Variants in CEP85L observed in about 807,000 individuals in gnomAD.
CEP85L encodes the protein centrosomal protein of 85 kDa-like.
In CEP85L, 60 loss-of-function variants were observed where a neutral mutation model predicts 100.3. The observed-to-expected ratio is 0.60, with a 90% confidence interval of 0.49 to 0.74. CEP85L has a LOEUF of 0.74. Among genes scored for constraint, CEP85L ranks in the 30% least tolerant of loss-of-function variants. The pLI is 0.00. For missense variants in CEP85L, 973 were observed against 936.2 expected (o/e 1.04, Z -0.51); for synonymous variants, 319 against 322.7 (o/e 0.99, Z 0.12).
intron 1 of CEP85L, among the ~76,000 whole-genome samples, chr6:118,675,304 G>A (rs1177528827): frequency 6.6e-6 from 1 of 151,816 alleles, no homozygotes; most frequent in Non-Finnish European, 1.5e-5. Flanking sequence ...CAAATTCATA[G>A]AAACAGTAGA....
chr6:118,472,224 A>G (rs1360479473), intron 10 of CEP85L, among the ~76,000 whole-genome samples: 2 of 152,136 alleles, frequency 1.3e-5, no homozygotes, highest in African/African-American at 4.8e-5. Flanking sequence ...AATCCAACTA[A>G]TATGTCCCTA....
At chr6:118,532,823 A>G (rs1275991762) in intron 3 of CEP85L, among the ~76,000 whole-genome samples, 8 of 152,174 alleles carry the variant, frequency 5.3e-5, no homozygotes, top group Admixed American at 4.6e-4. Flanking sequence ...ATAATGAAGC[A>G]TGTTATAAAT....
Position 118,537,833 on chromosome 6 carries a change from C to T in CEP85L, c.1021-13913G>A, listed in dbSNP as rs1777680567. 6 of 985,142 alleles carry T rather than the reference C, an allele frequency of 6.1e-6. 1 individual carries two copies. The South Asian group carries it at 2.3e-4, about 39-fold the overall frequency. The allele number at this position is 985,142 out of a possible 1,614,324, so 61.0% of individuals were successfully genotyped here. On this transcript the variant is annotated intron_variant, in intron 3 of 12. Transcript: ENST00000368491. ...TCCTTCACTTGCCTTTGTCTCTGAG[C>T]TTATTCATCACTCACAACATGTCAC... is the stretch of plus-strand genomic sequence containing the variant.
chr6:118,603,602 AAAG>A (rs1771964473), intron 2 of CEP85L, among the ~76,000 whole-genome samples: 1 of 152,240 alleles, frequency 6.6e-6, no homozygotes, highest in Non-Finnish European at 1.5e-5. Flanking sequence ...AAAAAGCTCA[AAAG>A]AAGTTTTCTT....
At chr6:118,554,929 G>T (rs9481825) in intron 3 of CEP85L, among the ~76,000 whole-genome samples, 2 of 152,032 alleles carry the variant, frequency 1.3e-5, no homozygotes, top group African/African-American at 4.8e-5. Context: ...CAGTGTCAAC[G>T]TAGGGGATGA....
chr6:118,508,408 A>G (rs1775784086), intron 5 of CEP85L, among the ~76,000 whole-genome samples: 1 of 152,092 alleles, frequency 6.6e-6, no homozygotes, highest in Admixed American at 6.6e-5. Flanking sequence ...AGTAAAGAAA[A>G]AGGGTCCTTC....
At chr6:118,678,682 T>A (rs368427028) in intron 1 of CEP85L, among the ~76,000 whole-genome samples, 1 of 152,202 alleles carries the variant, frequency 6.6e-6, no homozygotes, top group Non-Finnish European at 1.5e-5. Flanking sequence ...AATAAAACAT[T>A]AAGCACTTTG....
intron 2 of CEP85L, among the ~76,000 whole-genome samples, chr6:118,625,370 G>T (rs1035783887): frequency 6.6e-6 from 1 of 152,176 alleles, no homozygotes; most frequent in Admixed American, 6.5e-5. Flanking sequence ...CCCCAGTCCC[G>T]CCACGCCCGA....
intron 1 of CEP85L, among the ~76,000 whole-genome samples, chr6:118,639,635 A>C (rs1420850039): frequency 6.6e-6 from 1 of 152,228 alleles, no homozygotes; most frequent in Non-Finnish European, 1.5e-5. Flanking sequence ...ACAACATTTA[A>C]TAAATTATAT....
chr6:118,650,721 C>A (rs1055454592), intron 1 of CEP85L, among the ~76,000 whole-genome samples: 3 of 152,188 alleles, frequency 2.0e-5, no homozygotes, highest in Non-Finnish European at 4.4e-5. Context: ...GCACAGCCAA[C>A]CCCAGCCTGC....
intron 4 of CEP85L, among the ~76,000 whole-genome samples, chr6:118,518,652 T>C (rs375812072): frequency 1.7e-4 from 26 of 152,304 alleles, no homozygotes; most frequent in African/African-American, 6.0e-4. Context: ...TAGCAGTCTA[T>C]CTATTTTGTT....
At chr6:118,483,500 A>G (rs1038874965) in intron 7 of CEP85L, among the ~76,000 whole-genome samples, 45 of 152,064 alleles carry the variant, frequency 3.0e-4, no homozygotes, top group Admixed American at 2.8e-3. Context: ...GAGAGTTACA[A>G]TACAGGATCA....
At chr6:118,559,324 T>G (rs1197501649) in intron 3 of CEP85L, 3 of 486,228 alleles carry the variant, frequency 6.2e-6, no homozygotes, top group Non-Finnish European at 1.2e-5. Flanking sequence ...AAAATGCAAC[T>G]GTTGATTTCC....
In CEP85L at chr6:118,470,600, CTT is replaced by C; in HGVS notation, c.1957_1958del (p.Lys653AspfsTer21). The C allele has an allele frequency of 6.2e-7, 1 of 1,607,682 alleles. No individual in the cohort carries two copies. Among genetic ancestry groups the C allele is most frequent in the Non-Finnish European group, 8.5e-7 (1 of 1,176,932 alleles). On this transcript the variant is annotated frameshift_variant, in exon 11 of 13. Coordinates refer to ENST00000368491, the MANE Select transcript of CEP85L (RefSeq NM_001042475.3). LOFTEE classifies it high-confidence loss of function. ...CTTTCTTTTCCAGCTCTTCCATCAT[CTT>C]TTGAGTGGTCAGTTTCTCTTTAGAA... ...KLSKEKLTTQKMMEELEKKER... is the reference protein window; with the variant it reads ...KLSKEKLTTQXMMEELEKKER...
chr6:118,473,002 C>G (rs765626771), intron 10 of CEP85L, among the ~76,000 whole-genome samples: 1 of 152,142 alleles, frequency 6.6e-6, no homozygotes, highest in Non-Finnish European at 1.5e-5. Context: ...AGTCCAGATT[C>G]TATATAATCC....
chr6:118,690,725 A>G (rs1777008414), intron 1 of CEP85L, among the ~76,000 whole-genome samples: 2 of 152,264 alleles, frequency 1.3e-5, no homozygotes, highest in Non-Finnish European at 2.9e-5. Flanking sequence ...AGGGCTTGGC[A>G]TAGTGGCTCA....
At chr6:118,500,423 C>A (rs1775209844) in intron 5 of CEP85L, among the ~76,000 whole-genome samples, 1 of 26,696 alleles carries the variant, frequency 3.7e-5, no homozygotes, top group African/African-American at 1.5e-4. Flanking sequence ...TGGCGCTGGG[C>A]TCCTTGAAGT....
intron 2 of CEP85L, among the ~76,000 whole-genome samples, chr6:118,595,390 T>C (rs148328449): frequency 7.9e-5 from 12 of 152,302 alleles, no homozygotes; most frequent in African/African-American, 2.9e-4. Context: ...TTATTTGAAA[T>C]CTCAAAATAC....
chr6:118,615,976 G>A (rs763255), intron 2 of CEP85L, among the ~76,000 whole-genome samples: 102,987 of 152,022 alleles, frequency 0.68, 35,588 homozygotes, highest in Middle Eastern at 0.74. Flanking sequence ...AACCATAGCC[G>A]TAAGTATAAC....
Sources: gnomAD v4.1 joint callset for allele counts (sites outside exome capture counted in the v4.1 genomes callset) on GRCh38, gnomAD v4.1.1 for gene constraint, MANE v1.5 for transcripts, NCBI Gene and HGNC (gene_info 2026-07-23, HGNC 2026-07-21) for gene names.